Variants in LRRC56 observed in about 807,000 individuals in gnomAD.
The protein encoded by LRRC56 is leucine-rich repeat-containing protein 56.
LRRC56 carries 41 observed loss-of-function variants against 47.8 expected under a neutral mutation model. The observed-to-expected ratio is 0.86, with a 90% CI of 0.67 to 1.11. LRRC56 has a LOEUF of 1.11. Among genes scored for constraint, LRRC56 ranks in the 50% most tolerant of loss-of-function variants. LRRC56 has a pLI of 0.00. For missense variants in LRRC56, 759 were observed against 704.2 expected (o/e 1.08, Z -0.88); for synonymous variants, 387 against 311.2 (o/e 1.24, Z -2.56).
upstream of LRRC56, chr11:536,957 G>A (rs1199285646): frequency 6.6e-6 from 1 of 152,236 alleles, no homozygotes; most frequent in Admixed American, 6.5e-5. Context: ...GAACGCGAGT[G>A]AGAAGCGGCG....
In LRRC56 at chr11:550,129, C is replaced by A; in HGVS notation, c.481C>A (p.Gln161Lys). ...CCTGAGCCCACTGTGCCTGCTGGAACAATTGGAGGTGCTGGACCTGGAGGG... is the reference window on the plus strand; with the variant it reads ...CCTGAGCCCACTGTGCCTGCTGGAAAAATTGGAGGTGCTGGACCTGGAGGG... ...SDLSPLCLLE[Q>K]LEVLDLEGNS... Residue 161 changes from glutamine (Q) to lysine (K), a missense_variant, in exon 8 of 14, where the codon CAA becomes AAA. By Grantham distance (53) the Gln-to-Lys change is moderately conservative. Coordinates refer to ENST00000270115, the MANE Select transcript of LRRC56 (RefSeq NM_198075.4). 1 of 1,613,560 alleles carries A rather than the reference C, an allele frequency of 6.2e-7. No homozygotes were observed. Among genetic ancestry groups the A allele is most frequent in the Non-Finnish European group, 8.5e-7 (1 of 1,179,900 alleles).
upstream of LRRC56, among the ~76,000 whole-genome samples, chr11:534,990 G>A (rs1238196497): frequency 6.6e-6 from 1 of 152,214 alleles, no homozygotes; most frequent in Non-Finnish European, 1.5e-5. Flanking sequence ...AAGCGGCGCG[G>A]GAGACCCGGA....
At chr11:537,367 C>T (rs1016499006), upstream of LRRC56, 3 of 152,258 alleles carry the variant, frequency 2.0e-5, no homozygotes, top group Admixed American at 1.3e-4. Context: ...CGTGCCAGTC[C>T]ACGTGGCCCC....
chr11:527,345 A>G, the LRRC56 span, among the ~76,000 whole-genome samples: 47 of 152,200 alleles, frequency 3.1e-4, no homozygotes, highest in African/African-American at 1.1e-3. Flanking sequence ...GCTAACCACG[A>G]GCACCTTGCG....
the LRRC56 span, among the ~76,000 whole-genome samples, chr11:508,880 C>G: frequency 1.3e-5 from 2 of 151,250 alleles, no homozygotes. Context: ...CCCATCTCTA[C>G]TAAAATTACA....
the LRRC56 span, among the ~76,000 whole-genome samples, chr11:508,594 C>A: frequency 1.3e-5 from 2 of 151,698 alleles, no homozygotes; most frequent in Non-Finnish European, 2.9e-5. Flanking sequence ...TGGTGAAACC[C>A]CATCTCTACT....
the LRRC56 span, among the ~76,000 whole-genome samples, chr11:521,185 A>G: frequency 2.9e-4 from 44 of 152,050 alleles, no homozygotes; most frequent in African/African-American, 1.0e-3. Context: ...GACCTTCACT[A>G]GCCACTGGTT....
chr11:535,560 G>A (rs1158073326), upstream of LRRC56: 2 of 148,892 alleles, frequency 1.3e-5, no homozygotes, highest in African/African-American at 4.9e-5. Context: ...ACGGGCGGCG[G>A]AGACTCGGGC....
At chr11:512,097 C>T in the LRRC56 span, among the ~76,000 whole-genome samples, 19 of 152,142 alleles carry the variant, frequency 1.2e-4, no homozygotes, top group Admixed American at 1.1e-3. Flanking sequence ...GTGCGTGCCA[C>T]CACACCCAGC....
At chr11:526,241 T>A in the LRRC56 span, among the ~76,000 whole-genome samples, 1 of 152,094 alleles carries the variant, frequency 6.6e-6, no homozygotes, top group Non-Finnish European at 1.5e-5. Context: ...AAAAATAAGA[T>A]GAAGACTTGA....
chr11:518,035 GC>G, the LRRC56 span, among the ~76,000 whole-genome samples: 1 of 152,142 alleles, frequency 6.6e-6, no homozygotes, highest in African/African-American at 2.4e-5. Flanking sequence ...ACTGCGGAAG[GC>G]CGCAGGGACC....
intron 6 of LRRC56, among the ~76,000 whole-genome samples, chr11:549,210 G>T (rs1280484524): frequency 6.6e-6 from 1 of 152,246 alleles, no homozygotes; most frequent in African/African-American, 2.4e-5. Context: ...GGAATCTGTG[G>T]CTCCTCAGGG....
chr11:524,032 A>G, the LRRC56 span, among the ~76,000 whole-genome samples: 1,021 of 152,346 alleles, frequency 6.7e-3, 11 homozygotes, highest in Admixed American at 0.012. Context: ...ACATGCAGAC[A>G]TACTATCATA....
chr11:543,541 C>G (rs565175744), intron 5 of LRRC56, among the ~76,000 whole-genome samples: 5 of 152,074 alleles, frequency 3.3e-5, no homozygotes, highest in Non-Finnish European at 7.4e-5. Flanking sequence ...AGCAGGGAAG[C>G]GTCTTCCCAC....
intron 6 of LRRC56, among the ~76,000 whole-genome samples, chr11:548,128 A>G (rs1176843003): frequency 1.3e-5 from 2 of 152,240 alleles, no homozygotes; most frequent in Admixed American, 6.5e-5. Flanking sequence ...TCTCAAAAAA[A>G]AAATTAAAAA....
rs1339983101 is a variant in LRRC56, at chr11:540,797, C to G, written c.113C>G (p.Pro38Arg). 3 of 1,605,158 alleles carry G rather than the reference C, an allele frequency of 1.9e-6. No homozygotes were observed. Among genetic ancestry groups the G allele is most frequent in the Non-Finnish European group, 2.5e-6 (3 of 1,176,602 alleles). The change falls in exon 4 of 14, where the codon CCT becomes CGT. Residue 38 changes from proline (P) to arginine (R), a missense_variant. Transcript: ENST00000270115. ...LHNPCPQSKGPGSQRDRLGEQ... is the reference protein window; with the variant it reads ...LHNPCPQSKGRGSQRDRLGEQ... ...AACCCCTGCCCACAGAGCAAGGGCC[C>G]TGGCAGTCAGAGGGACAGACTTGGA...
At chr11:553,761 C>G (rs1852575342) in intron 13 of LRRC56, among the ~76,000 whole-genome samples, 1 of 152,188 alleles carries the variant, frequency 6.6e-6, no homozygotes, top group African/African-American at 2.4e-5. Flanking sequence ...CTTGCCTGCC[C>G]CAGAGGTGGG....
At chr11:526,733 T>TG in the LRRC56 span, among the ~76,000 whole-genome samples, 1 of 150,740 alleles carries the variant, frequency 6.6e-6, no homozygotes, top group Middle Eastern at 3.4e-3. Context: ...GGTCAGGAGT[T>TG]GGAGACCAGC....
chr11:516,392 CA>C, the LRRC56 span, among the ~76,000 whole-genome samples: 83 of 138,168 alleles, frequency 6.0e-4, no homozygotes, highest in Non-Finnish European at 5.5e-4. Flanking sequence ...GCCTCCATCT[CA>C]AAAAAAAAAA....
Sources: allele counts gnomAD v4.1 joint callset (sites outside exome capture counted in the v4.1 genomes callset), GRCh38; gene constraint gnomAD v4.1.1; transcripts MANE v1.5; gene names NCBI Gene and HGNC (gene_info 2026-07-23, HGNC 2026-07-21).